The following SLC4A4 variants were observed in gnomAD, a reference collection of about 807,000 sequenced individuals.
The protein encoded by SLC4A4 is electrogenic sodium bicarbonate cotransporter 1.
In SLC4A4, 27 loss-of-function variants were observed where a neutral mutation model predicts 111.5. That is an observed-to-expected ratio of 0.24 (90% CI 0.18 to 0.33). The LOEUF (loss-of-function observed/expected upper bound fraction) is 0.33. Ranked by LOEUF, SLC4A4 falls within the 10% of genes least tolerant of loss-of-function variation. The pLI is 1.00. For synonymous variants in SLC4A4, 443 were observed against 463.4 expected (o/e 0.96, Z 0.57); for missense variants, 909 against 1,315.5 (o/e 0.69, Z 4.78).
intron 7 of SLC4A4, among the ~76,000 whole-genome samples, chr4:71,420,630 G>T (rs577288179): frequency 2.6e-4 from 40 of 152,256 alleles, no homozygotes; most frequent in Non-Finnish European, 4.3e-4. Flanking sequence ...GACTAACAGC[G>T]GATCTCTCAT....
intron 2 of SLC4A4, among the ~76,000 whole-genome samples, chr4:71,171,023 T>C (rs1744918314): frequency 6.6e-6 from 1 of 152,180 alleles, no homozygotes; most frequent in Non-Finnish European, 1.5e-5. Context: ...TCAAACTGTG[T>C]ATGGGGTCAG....
At chr4:71,383,869 C>T (rs1718404506) in intron 6 of SLC4A4, among the ~76,000 whole-genome samples, 1 of 152,106 alleles carries the variant, frequency 6.6e-6, no homozygotes, top group Non-Finnish European at 1.5e-5. Flanking sequence ...GACGTGTGAG[C>T]CACCATGCTG....
intron 18 of SLC4A4, among the ~76,000 whole-genome samples, chr4:71,545,399 G>A (rs1224861981): frequency 1.3e-5 from 2 of 151,954 alleles, no homozygotes; most frequent in Non-Finnish European, 2.9e-5. Flanking sequence ...CCTTGGATTG[G>A]TCATACTCTG....
chr4:71,296,782 A>T (rs1724827482), intron 3 of SLC4A4, among the ~76,000 whole-genome samples: 1 of 152,184 alleles, frequency 6.6e-6, no homozygotes, highest in Non-Finnish European at 1.5e-5. Flanking sequence ...TCAGTTTTTC[A>T]AGTTAAAAGT....
intron 16 of SLC4A4, among the ~76,000 whole-genome samples, chr4:71,511,513 T>A (rs979306807): frequency 8.5e-5 from 13 of 152,128 alleles, no homozygotes; most frequent in Non-Finnish European, 7.4e-5. Context: ...TTCTCTAAAC[T>A]TAAAAAATAC....
At chr4:71,084,684 T>C (rs1428656368) in intron 1 of SLC4A4, among the ~76,000 whole-genome samples, 1 of 152,042 alleles carries the variant, frequency 6.6e-6, no homozygotes, top group Non-Finnish European at 1.5e-5. Context: ...GATAGTTTGC[T>C]GAGAATGATG....
At chr4:71,421,513 C>T (rs1722502614) in intron 7 of SLC4A4, among the ~76,000 whole-genome samples, 1 of 152,134 alleles carries the variant, frequency 6.6e-6, no homozygotes, top group Admixed American at 6.6e-5. Context: ...AACTCTCCAC[C>T]CCAAATCAAC....
chr4:71,453,388 A>G (rs188264992), intron 11 of SLC4A4, 107 bp from the exon 12 acceptor site: 244 of 1,124,098 alleles, frequency 2.2e-4, no homozygotes, highest in Middle Eastern at 5.1e-4. Flanking sequence ...CTTGTCACTG[A>G]TTCAAGCATT....
intron 6 of SLC4A4, among the ~76,000 whole-genome samples, chr4:71,385,368 T>A (rs1281261098): frequency 6.6e-6 from 1 of 151,292 alleles, no homozygotes; most frequent in African/African-American, 2.4e-5. Context: ...CCGGCTAATT[T>A]TGTATTTTTA....
chr4:71,460,123 TA>T (rs1430377286), intron 12 of SLC4A4, among the ~76,000 whole-genome samples: 1 of 152,048 alleles, frequency 6.6e-6, no homozygotes, highest in Non-Finnish European at 1.5e-5. Flanking sequence ...CTTTTAACCT[TA>T]TTTATGATTT....
chr4:71,318,880 A>G (rs184137615), intron 3 of SLC4A4, among the ~76,000 whole-genome samples: 240 of 149,680 alleles, frequency 1.6e-3, no homozygotes, highest in Admixed American at 4.7e-3. Flanking sequence ...TTATTTTGAC[A>G]TGAGTTTTGT....
At chr4:71,429,235 T>A (rs1175487234) in intron 7 of SLC4A4, among the ~76,000 whole-genome samples, 1 of 152,060 alleles carries the variant, frequency 6.6e-6, no homozygotes, top group Non-Finnish European at 1.5e-5. Context: ...GGCAGAAGAA[T>A]CCAAGACCTG....
chr4:71,474,071 C>T (rs554551353), intron 14 of SLC4A4, among the ~76,000 whole-genome samples: 33 of 147,752 alleles, frequency 2.2e-4, no homozygotes, highest in African/African-American at 7.5e-4. Context: ...TGTGGTGGCA[C>T]GTACCTGTAG....
chr4:71,453,318 A>G (rs1270158189), intron 11 of SLC4A4, among the ~76,000 whole-genome samples, 177 bp from the exon 12 acceptor site: 1 of 152,194 alleles, frequency 6.6e-6, no homozygotes, highest in African/African-American at 2.4e-5. Context: ...AAAGAAAGAG[A>G]TAGAAGAAAA....
At chr4:71,246,727 C>T (rs760093049) in intron 2 of SLC4A4, among the ~76,000 whole-genome samples, 8 of 125,880 alleles carry the variant, frequency 6.4e-5, no homozygotes, top group Non-Finnish European at 1.3e-4. Flanking sequence ...AAGGATTAAT[C>T]GTTATTATTC....
At chr4:71,170,725 CAT>C (rs1049361261) in intron 2 of SLC4A4, among the ~76,000 whole-genome samples, 117 of 152,284 alleles carry the variant, frequency 7.7e-4, no homozygotes, top group African/African-American at 2.7e-3. Context: ...ATATAAGAAA[CAT>C]ATACCAAAAG....
chr4:71,076,165 A>G (rs996969599), intron 1 of SLC4A4, among the ~76,000 whole-genome samples: 3 of 152,098 alleles, frequency 2.0e-5, no homozygotes, highest in Non-Finnish European at 2.9e-5. Flanking sequence ...GGACAAAACG[A>G]ATTCCTCAGT....
chr4:71,115,954 G>T (rs1402429324), intron 2 of SLC4A4, among the ~76,000 whole-genome samples: 1 of 152,154 alleles, frequency 6.6e-6, no homozygotes, highest in Non-Finnish European at 1.5e-5. Context: ...GAGTGCAGTG[G>T]CACGATCTCG....
intron 16 of SLC4A4, among the ~76,000 whole-genome samples, chr4:71,504,356 A>G (rs1731200354): frequency 6.6e-6 from 1 of 152,112 alleles, no homozygotes; most frequent in Admixed American, 6.6e-5. Flanking sequence ...AATTCAAAAG[A>G]TGACTTCAAG....
Sources: gnomAD v4.1 joint callset for allele counts (sites outside exome capture counted in the v4.1 genomes callset) on GRCh38, gnomAD v4.1.1 for gene constraint, MANE v1.5 for transcripts, NCBI Gene and HGNC (gene_info 2026-07-23, HGNC 2026-07-21) for gene names.